The following UGT1A9 variants were observed in gnomAD, a reference collection of about 807,000 sequenced individuals.
The protein encoded by UGT1A9 is UDP-glucuronosyltransferase 1A9.
In UGT1A9, 35 loss-of-function variants were observed where a neutral mutation model predicts 45.0. The ratio of observed to expected loss-of-function variants is 0.78; its 90% confidence interval spans 0.59 to 1.03. UGT1A9 has a LOEUF of 1.03. Ranked by LOEUF, UGT1A9 falls within the 50% of genes least tolerant of loss-of-function variation. UGT1A9 has a pLI of 0.00. For synonymous variants in UGT1A9, 278 were observed against 250.6 expected, an observed-to-expected ratio of 1.11 and a Z score of -1.03; for missense variants, 687 against 666.6, an observed-to-expected ratio of 1.03 and a Z score of -0.34.
intron 1 of UGT1A9, among the ~76,000 whole-genome samples, chr2:233,752,870 C>T (rs896364354): frequency 6.6e-6 from 1 of 152,212 alleles, no homozygotes; most frequent in Non-Finnish European, 1.5e-5. Flanking sequence ...TGTTAGCTTT[C>T]AACTGTTAAA....
chr2:233,717,042 C>T (rs1248182808), intron 1 of UGT1A9, among the ~76,000 whole-genome samples: 1 of 152,164 alleles, frequency 6.6e-6, no homozygotes, highest in African/African-American at 2.4e-5. Context: ...GATACATGGG[C>T]CTCCGCAGGG....
At chr2:233,755,357 TGGGCCGCCTGGA>T in intron 1 of UGT1A9, 1 of 376,616 alleles carries the variant, frequency 2.7e-6, no homozygotes, top group South Asian at 2.2e-5. Context: ...CTTGGCGACC[TGGGCCGCCTGGA>T]GGGCCGCCCC....
chr2:233,682,234 G>C (rs776939121), intron 1 of UGT1A9: 2 of 1,614,164 alleles, frequency 1.2e-6, no homozygotes, highest in East Asian at 4.5e-5. Context: ...CTCGCTGGAC[G>C]GCACCATTGC....
At chr2:233,713,833 G>A in intron 1 of UGT1A9, 11 of 1,614,060 alleles carry the variant, frequency 6.8e-6, no homozygotes, top group Non-Finnish European at 9.3e-6. Context: ...GGCATCAACT[G>A]TGCCAACGGG....
intron 1 of UGT1A9, among the ~76,000 whole-genome samples, chr2:233,688,618 A>C (rs183545370): frequency 6.6e-6 from 1 of 152,206 alleles, no homozygotes; most frequent in Non-Finnish European, 1.5e-5. Context: ...CTCAGCAAAC[A>C]TGAGTTCGTC....
At chr2:233,740,325 T>C (rs1691364696) in intron 1 of UGT1A9, among the ~76,000 whole-genome samples, 1 of 151,932 alleles carries the variant, frequency 6.6e-6, no homozygotes, top group Non-Finnish European at 1.5e-5. Context: ...AATCTGCATT[T>C]ATTGAGAAAG....
chr2:233,713,194 A>G (rs1296719846), intron 1 of UGT1A9: 3 of 1,614,210 alleles, frequency 1.9e-6, no homozygotes, highest in South Asian at 1.1e-5. Flanking sequence ...GTGAATATGT[A>G]CATCAAAGAA....
chr2:233,746,906 T>C (rs1380473357), intron 1 of UGT1A9, among the ~76,000 whole-genome samples: 1 of 151,690 alleles, frequency 6.6e-6, no homozygotes, highest in Admixed American at 6.5e-5. Context: ...TGACATGAAA[T>C]GGGTTTCCAC....
intron 1 of UGT1A9, among the ~76,000 whole-genome samples, chr2:233,722,230 A>G (rs868083923): frequency 2.0e-5 from 3 of 152,346 alleles, no homozygotes; most frequent in Middle Eastern, 3.4e-3. Context: ...CAAAATCTTT[A>G]TCATGTATTA....
chr2:233,681,955 G>C, intron 1 of UGT1A9: 3 of 1,613,914 alleles, frequency 1.9e-6, no homozygotes, highest in Non-Finnish European at 2.5e-6. Context: ...GTGCAGGGTG[G>C]ACTGGCCTCC....
chr2:233,772,619 A>G lies in UGT1A9; in HGVS notation c.*60A>G. ...ATTCCCTAGTCATTTCCAAACTTGAAAACAGAATCAGTGTTAAATTCATTT... is the reference window on the plus strand; with the variant it reads ...ATTCCCTAGTCATTTCCAAACTTGAGAACAGAATCAGTGTTAAATTCATTT... On this transcript the variant is annotated 3_prime_UTR_variant, in exon 5 of 5. Coordinates refer to ENST00000354728, the MANE Select transcript of UGT1A9 (RefSeq NM_021027.3). The G allele has an allele frequency of 1.3e-6, 2 of 1,569,672 alleles. No homozygotes were observed. The highest frequency in any genetic ancestry group is 1.7e-6 in the Non-Finnish European group (2 of 1,156,572).
chr2:233,772,695 T>C lies in UGT1A9; in HGVS notation c.*136T>C. ...ATAAATTAATCAGCCCCAGAGTGCT[T>C]TAAAAAATTCTCTTAAATAAAAATA... is the stretch of plus-strand genomic sequence containing the variant. On this transcript the variant is annotated 3_prime_UTR_variant, in exon 5 of 5. Coordinates refer to ENST00000354728, the MANE Select transcript of UGT1A9 (RefSeq NM_021027.3). 2 of 1,484,740 alleles carry C rather than the reference T, an allele frequency of 1.3e-6. No individual in the cohort carries two copies. Among genetic ancestry groups the C allele is most frequent in the South Asian group, 2.7e-5 (2 of 74,364 alleles). The allele number at this position is 1,484,740 out of a possible 1,614,324, so 92.0% of individuals were successfully genotyped here. A position where few individuals can be genotyped will look rare whatever the true frequency, so the allele number is the denominator to read the frequency against.
At position 233,765,222 on chromosome 2, in the gene UGT1A9, C is replaced by A. The variant is rs528641835; in HGVS notation, c.856-1812C>A. On this transcript the variant is annotated intron_variant, in intron 1 of 4. Transcript: ENST00000354728. ...TAGTGCCCTCAGTATTCTTTGCAAA[C>A]ATAAAACCATAGACTCAGTAATCCC... Among the ~76,000 whole-genome samples, 51 of 152,262 alleles carry A rather than the reference C, an allele frequency of 3.3e-4. 1 individual carries two copies. The South Asian group carries it at 4.4e-3, about 13-fold the overall frequency.
rs1201531299 is a variant in UGT1A9 at position 233,692,745 on chromosome 2, C to A, written c.855+19956C>A. 4 of 1,064,978 alleles carry A rather than the reference C, an allele frequency of 3.8e-6. No homozygotes were observed. In the African/African-American group the frequency reaches 4.9e-5, roughly 13 times the overall value. The allele number at this position is 1,064,978 out of a possible 1,614,324, so 66.0% of individuals were successfully genotyped here. On this transcript the variant is annotated intron_variant, in intron 1 of 4. Transcript: ENST00000354728. ...CTATAACTTTTCAGAGAGGGAGAAGCAGACTTGTGGAGCTGAAGAGAAACA... is the reference window on the plus strand; with the variant it reads ...CTATAACTTTTCAGAGAGGGAGAAGAAGACTTGTGGAGCTGAAGAGAAACA...
At chr2:233,751,766 T>C (rs1221820452) in intron 1 of UGT1A9, among the ~76,000 whole-genome samples, 2 of 152,224 alleles carry the variant, frequency 1.3e-5, no homozygotes, top group Non-Finnish European at 2.9e-5. Context: ...ATGTGAGACA[T>C]GACTTTGCTT....
rs1575663531 is a variant in UGT1A9, at chr2:233,744,064, T to A, written c.856-22970T>A. ...GCCACATCTCATTGGTCGAGGCCTATGAGCGCCTCGCATCCCAAGATGCAG... is the reference window on the plus strand; with the variant it reads ...GCCACATCTCATTGGTCGAGGCCTAAGAGCGCCTCGCATCCCAAGATGCAG... On this transcript the variant is annotated intron_variant, in intron 1 of 4. Transcript: ENST00000354728. 7.1e-6 allele frequency: 4 copies of A among 560,044 alleles called. No homozygotes were observed. In the East Asian group the frequency reaches 2.1e-4, roughly 29 times the overall value. 34.7% of individuals were successfully genotyped at this position (560,044 alleles called of 1,614,324 possible). A position where few individuals can be genotyped will look rare whatever the true frequency, so the allele number is the denominator to read the frequency against.
At chr2:233,730,021 A>G (rs1183209625) in intron 1 of UGT1A9, 7 of 1,613,586 alleles carry the variant, frequency 4.3e-6, no homozygotes, top group Non-Finnish European at 5.9e-6. Flanking sequence ...CATCCAATCA[A>G]TGTTCCAGGC....
intron 1 of UGT1A9, among the ~76,000 whole-genome samples, chr2:233,697,486 T>G (rs1423880870): frequency 6.6e-6 from 1 of 151,808 alleles, no homozygotes; most frequent in Non-Finnish European, 1.5e-5. Context: ...GCTCAAGGTT[T>G]GCCAATTTTG....
intron 1 of UGT1A9, chr2:233,760,840 C>T: frequency 6.2e-7 from 1 of 1,613,860 alleles, no homozygotes; most frequent in Non-Finnish European, 8.5e-7. Context: ...TGAGGCTACC[C>T]AGTGCCCCAA....
Sources: allele counts gnomAD v4.1 joint callset (sites outside exome capture counted in the v4.1 genomes callset), GRCh38; gene constraint gnomAD v4.1.1; transcripts MANE v1.5; gene names NCBI Gene and HGNC (gene_info 2026-07-23, HGNC 2026-07-21).